DMD: variants seen among roughly 807,000 people sequenced by gnomAD.
DMD encodes the protein dystrophin.
In DMD, 63 loss-of-function variants were observed where a neutral mutation model predicts 330.1. That is an observed-to-expected ratio of 0.19 (90% CI 0.16 to 0.24). The LOEUF (loss-of-function observed/expected upper bound fraction) is 0.24. Among genes scored for constraint, DMD ranks in the 10% least tolerant of loss-of-function variants. The probability of loss-of-function intolerance (pLI) is 1.00; values close to 1 mark genes in which losing one functional copy is unlikely to be tolerated. For synonymous variants in DMD, 1,223 were observed against 959.8 expected (o/e 1.27, Z -5.07); for missense variants, 3,344 against 2,684.1 (o/e 1.25, Z -5.43).
At chrX:31,123,393 CATATGCAACTATTCATAAAGT>C (rs2033116860) in intron 78 of DMD, among the ~76,000 whole-genome samples, 1 of 112,286 alleles carries the variant, frequency 8.9e-6, no homozygotes, top group African/African-American at 3.2e-5. Flanking sequence ...TTTAACAAAG[CATATGCAACTATTCATAAAGT>C]GGGCCAATAG....
chrX:32,953,225 A>AAATGG (rs2091366618), intron 2 of DMD, among the ~76,000 whole-genome samples: 1 of 110,995 alleles, frequency 9.0e-6, no homozygotes, highest in Non-Finnish European at 1.9e-5. Context: ...GTAAAAGATG[A>AAATGG]AATGGCGTTT....
At chrX:32,763,103 C>CT (rs2072530562) in intron 7 of DMD, among the ~76,000 whole-genome samples, 1 of 111,509 alleles carries the variant, frequency 9.0e-6, no homozygotes, top group African/African-American at 3.3e-5. Context: ...CAATGAACAG[C>CT]TTTTTTCAAT....
At chrX:33,056,106 A>G (rs2094513781) in intron 1 of DMD, among the ~76,000 whole-genome samples, 1 of 110,605 alleles carries the variant, frequency 9.0e-6, no homozygotes, top group Non-Finnish European at 1.9e-5. Context: ...GCTTTAGCAC[A>G]TAGACAGTCA....
chrX:33,268,755 C>T (rs945987699), intron 1 of DMD, among the ~76,000 whole-genome samples: 6 of 109,718 alleles, frequency 5.5e-5, no homozygotes, highest in East Asian at 2.9e-4. Context: ...GGTGAAACCC[C>T]GACTCTAGTA....
Position 32,518,025 on chromosome X carries a change from A to G in DMD, c.2275T>C (p.Leu759=). 1 of 1,210,724 alleles carries G rather than the reference A, an allele frequency of 8.3e-7. No individual in the cohort carries two copies. Among genetic ancestry groups the G allele is most frequent in the Non-Finnish European group, 1.1e-6 (1 of 894,653 alleles). ...TAACCTACATTGACTTTTTCTTTTA[A>G]GTCTGAGAAGTTGCCTTCCTTCCGA... ...IFRKEGNFSD[L]KEKVNAIERE... Residue 759 remains leucine, a synonymous_variant, in exon 18 of 79, where the codon TTA becomes CTA. Coordinates refer to ENST00000357033, the MANE Select transcript of DMD (RefSeq NM_004006.3).
At chrX:31,965,464 C>T (rs1603618370) in intron 45 of DMD, among the ~76,000 whole-genome samples, 1 of 111,810 alleles carries the variant, frequency 8.9e-6, no homozygotes, top group Non-Finnish European at 1.9e-5. Flanking sequence ...GAGATGTGTA[C>T]ATATCTGTGA....
At chrX:32,858,133 G>C (rs1385575827) in intron 2 of DMD, among the ~76,000 whole-genome samples, 1 of 111,486 alleles carries the variant, frequency 9.0e-6, no homozygotes, top group African/African-American at 3.3e-5. Flanking sequence ...TTCTCTAATA[G>C]AGTGCTTCTC....
intron 54 of DMD, among the ~76,000 whole-genome samples, chrX:31,649,524 G>A (rs756164215): frequency 3.9e-4 from 43 of 111,036 alleles, no homozygotes; most frequent in African/African-American, 8.5e-4. Context: ...TCTCTGGCCC[G>A]GAGCCCCAAG....
At chrX:31,801,274 G>A (rs138503132) in intron 50 of DMD, among the ~76,000 whole-genome samples, 3,692 of 111,464 alleles carry the variant, frequency 0.033, 74 homozygotes, top group East Asian at 0.057. Context: ...GGAAATGCCA[G>A]ATGCTTATAA....
chrX:32,708,176 T>C (rs1208432509), intron 7 of DMD, among the ~76,000 whole-genome samples: 1 of 112,036 alleles, frequency 8.9e-6, no homozygotes, highest in Admixed American at 9.5e-5. Flanking sequence ...TTATTATTCT[T>C]TCTGGTATAT....
intron 2 of DMD, among the ~76,000 whole-genome samples, chrX:32,955,077 T>C (rs1255018569): frequency 8.9e-6 from 1 of 111,940 alleles, no homozygotes; most frequent in African/African-American, 3.2e-5. Context: ...ATTGCTGGGT[T>C]GATGGTATTT....
chrX:32,143,262 T>C (rs1211551269), intron 44 of DMD, among the ~76,000 whole-genome samples: 1 of 111,738 alleles, frequency 8.9e-6, no homozygotes, highest in Non-Finnish European at 1.9e-5. Flanking sequence ...AACTATCCTT[T>C]ACCTAGTTAC....
intron 41 of DMD, 80 bp downstream of exon 41, chrX:32,342,020 T>C: frequency 1.0e-6 from 1 of 962,793 alleles, no homozygotes. Flanking sequence ...ATTTTTTGTC[T>C]CTTTTTTTTT....
At chrX:32,736,296 G>A (rs1415185597) in intron 7 of DMD, among the ~76,000 whole-genome samples, 31 of 111,358 alleles carry the variant, frequency 2.8e-4, no homozygotes, top group African/African-American at 9.8e-4. Flanking sequence ...GGAGAAATAG[G>A]AACACTTTTT....
chrX:31,417,049 G>A (rs1020267929), intron 60 of DMD, among the ~76,000 whole-genome samples: 2 of 112,024 alleles, frequency 1.8e-5, no homozygotes, highest in African/African-American at 6.5e-5. Context: ...AAGGAAACAG[G>A]AGCCCATATT....
At chrX:33,303,408 G>A (rs1395515276) in intron 1 of DMD, among the ~76,000 whole-genome samples, 1 of 111,619 alleles carries the variant, frequency 9.0e-6, no homozygotes, top group Non-Finnish European at 1.9e-5. Context: ...CCACCGAAGA[G>A]ACTTACATAT....
chrX:32,000,162 A>G lies in DMD; in HGVS notation c.6439-31648T>C, dbSNP rs747288741. On this transcript the variant is annotated intron_variant, in intron 44 of 78. Transcript: ENST00000357033. ...ATTGTGTATCTTGGACAATCCATGC[A>G]CAATTAGAAACAGATGTAACAATGG... Among the ~76,000 whole-genome samples, 39 of 112,426 alleles carry G rather than the reference A, an allele frequency of 3.5e-4. No individual in the cohort carries two copies. The South Asian group carries it at 0.014, about 41-fold the overall frequency.
chrX:32,932,226 T>G lies in DMD; in HGVS notation c.94-82406A>C, dbSNP rs1302178677. ...CCATAAGGAATTGTATTTTGTAAGG[T>G]GGGGTCACAAATCCTTTCCTGTTTC... On this transcript the variant is annotated intron_variant, in intron 2 of 78. Transcript: ENST00000357033. 3.6e-5 allele frequency among the ~76,000 whole-genome samples: 4 copies of G among 112,253 alleles called. No individual in the cohort carries two copies. In the East Asian group the frequency reaches 1.1e-3, roughly 31 times the overall value.
chrX:32,722,564 A>C (rs181025910), intron 7 of DMD, among the ~76,000 whole-genome samples: 3 of 110,640 alleles, frequency 2.7e-5, no homozygotes. Flanking sequence ...AAATTTTAAC[A>C]ATATTACTTC....
Sources: gnomAD v4.1 joint callset for allele counts (sites outside exome capture counted in the v4.1 genomes callset) on GRCh38, gnomAD v4.1.1 for gene constraint, MANE v1.5 for transcripts, NCBI Gene and HGNC (gene_info 2026-07-23, HGNC 2026-07-21) for gene names.